Variants in RBMS1 observed in about 807,000 individuals in gnomAD.
The protein encoded by RBMS1 is RNA binding motif single stranded interacting protein 1, also known as RNA-binding motif, single-stranded-interacting protein 1.
RBMS1 carries 17 observed loss-of-function variants against 62.3 expected under a neutral mutation model. That is an observed-to-expected ratio of 0.27 (90% CI 0.19 to 0.41). The LOEUF (loss-of-function observed/expected upper bound fraction) is 0.41, where lower values mean the gene tolerates loss of function less well. RBMS1 is among the 10% of genes least tolerant of loss of function. The pLI, the probability that RBMS1 is intolerant of heterozygous loss-of-function variation, is 1.00. For synonymous variants in RBMS1, 172 were observed against 170.0 expected (o/e 1.01, Z -0.09); for missense variants, 334 against 504.5 (o/e 0.66, Z 3.24).
chr2:160,371,162 TA>T (rs1485497364), intron 1 of RBMS1, among the ~76,000 whole-genome samples: 2 of 152,246 alleles, frequency 1.3e-5, no homozygotes, highest in South Asian at 4.1e-4. Flanking sequence ...AGAACTCTGA[TA>T]AATTTACAGC....
At chr2:160,296,677 G>C (rs949684961) in intron 6 of RBMS1, among the ~76,000 whole-genome samples, 1 of 152,116 alleles carries the variant, frequency 6.6e-6, no homozygotes, top group Admixed American at 6.5e-5. Flanking sequence ...ATTCTATATT[G>C]CCTCTGTGCT....
chr2:160,381,761 CTT>C (rs1302233976), intron 1 of RBMS1, among the ~76,000 whole-genome samples: 3 of 152,202 alleles, frequency 2.0e-5, no homozygotes, highest in African/African-American at 7.2e-5. Context: ...TACTAAACAT[CTT>C]CCAATAAAAC....
chr2:160,377,670 T>C (rs1694072780), intron 1 of RBMS1, among the ~76,000 whole-genome samples: 1 of 152,282 alleles, frequency 6.6e-6, no homozygotes. Flanking sequence ...TAAGAGCCAA[T>C]AATTATCCAC....
chr2:160,275,852 T>C (rs577881549), intron 12 of RBMS1, 138 bp from the exon 13 acceptor site: 22 of 1,231,286 alleles, frequency 1.8e-5, no homozygotes, highest in East Asian at 1.0e-4. Flanking sequence ...TGTAGAGCTT[T>C]CAAGGTTAAT....
chr2:160,309,713 C>G (rs1160577238), intron 4 of RBMS1, among the ~76,000 whole-genome samples: 1 of 152,146 alleles, frequency 6.6e-6, no homozygotes, highest in Non-Finnish European at 1.5e-5. Flanking sequence ...CAGCATGCTG[C>G]CTGGCTAGAA....
chr2:160,424,779 T>TA (rs745858084), intron 1 of RBMS1, among the ~76,000 whole-genome samples: 1 of 152,128 alleles, frequency 6.6e-6, no homozygotes, highest in Non-Finnish European at 1.5e-5. Flanking sequence ...CCTTTCATGT[T>TA]AAAAAAATAA....
chr2:160,341,514 G>T (rs1691874223), intron 2 of RBMS1, among the ~76,000 whole-genome samples: 1 of 152,028 alleles, frequency 6.6e-6, no homozygotes, highest in African/African-American at 2.4e-5. Context: ...AAGGGGAAGG[G>T]GAATCTCATC....
intron 1 of RBMS1, among the ~76,000 whole-genome samples, chr2:160,404,734 C>T (rs1199663978): frequency 5.3e-5 from 8 of 152,178 alleles, no homozygotes; most frequent in Admixed American, 5.2e-4. Context: ...TATATCAATG[C>T]TGCTTCCAAA....
chr2:160,282,027 G>C (rs1210113622), intron 9 of RBMS1: 1 of 334,334 alleles, frequency 3.0e-6, no homozygotes, highest in African/African-American at 2.2e-5. Flanking sequence ...GTGAGAGTCA[G>C]GTTTTGTGGC....
chr2:160,298,393 G>A (rs1689050322), intron 6 of RBMS1, among the ~76,000 whole-genome samples: 2 of 152,308 alleles, frequency 1.3e-5, no homozygotes, highest in African/African-American at 2.4e-5. Flanking sequence ...GAACAGCCAG[G>A]ATGAGAGATG....
At chr2:160,280,737 C>T (rs571135075) in intron 10 of RBMS1, among the ~76,000 whole-genome samples, 7 of 152,112 alleles carry the variant, frequency 4.6e-5, no homozygotes, top group African/African-American at 1.7e-4. Flanking sequence ...ATTTTCAAAC[C>T]CTTCTTCCAC....
intron 12 of RBMS1, 128 bp from the exon 13 acceptor site, chr2:160,275,842 T>C (rs1687809110): frequency 1.5e-6 from 2 of 1,321,032 alleles, no homozygotes; most frequent in South Asian, 2.8e-5. Flanking sequence ...CTTCACGTCA[T>C]GTAGAGCTTT....
At chr2:160,463,641 C>T (rs188186999) in intron 1 of RBMS1, among the ~76,000 whole-genome samples, 6 of 152,202 alleles carry the variant, frequency 3.9e-5, no homozygotes, top group East Asian at 1.9e-4. Flanking sequence ...AGAAATTAGC[C>T]GGGCATGGTG....
At chr2:160,451,677 C>T (rs1384602975) in intron 1 of RBMS1, among the ~76,000 whole-genome samples, 1 of 152,004 alleles carries the variant, frequency 6.6e-6, no homozygotes, top group African/African-American at 2.4e-5. Context: ...GGTGCAATCT[C>T]GGCTCACTGC....
intron 1 of RBMS1, among the ~76,000 whole-genome samples, chr2:160,478,243 G>A (rs180854809): frequency 2.2e-4 from 33 of 152,256 alleles, no homozygotes; most frequent in African/African-American, 7.5e-4. Context: ...CCAACACTTC[G>A]AGAATTCACC....
chr2:160,282,339 T>A, intron 9 of RBMS1: 1 of 1,365,318 alleles, frequency 7.3e-7, no homozygotes, highest in Non-Finnish European at 9.8e-7. Context: ...TTCTGCCTTG[T>A]TAACATTTCA....
intron 2 of RBMS1, among the ~76,000 whole-genome samples, chr2:160,334,083 ATTCT>A (rs1573880152): frequency 1.3e-5 from 2 of 152,176 alleles, no homozygotes; most frequent in African/African-American, 4.8e-5. Context: ...CAACATTTTC[ATTCT>A]TTCTAATGAG....
At chr2:160,314,050 A>AG (rs1197693909) in intron 3 of RBMS1, among the ~76,000 whole-genome samples, 2 of 152,122 alleles carry the variant, frequency 1.3e-5, no homozygotes, top group Non-Finnish European at 2.9e-5. Flanking sequence ...TTAGGGGAAA[A>AG]GGGGGGCTGG....
intron 2 of RBMS1, among the ~76,000 whole-genome samples, chr2:160,357,421 G>T (rs533809819): frequency 2.0e-5 from 3 of 152,022 alleles, no homozygotes; most frequent in Admixed American, 6.6e-5. Context: ...ACGAAGATTG[G>T]CTAAATTTCT....
Sources: gnomAD v4.1 joint callset for allele counts (sites outside exome capture counted in the v4.1 genomes callset) on GRCh38, gnomAD v4.1.1 for gene constraint, MANE v1.5 for transcripts, NCBI Gene and HGNC (gene_info 2026-07-23, HGNC 2026-07-21) for gene names.